TRPC4: variants seen among roughly 807,000 people sequenced by gnomAD.
The protein encoded by TRPC4 is short transient receptor potential channel 4.
A neutral mutation model predicts 99.4 loss-of-function variants in TRPC4; 49 were observed. The observed-to-expected ratio is 0.49, with a 90% confidence interval of 0.39 to 0.63. The LOEUF is 0.63. Ranked by LOEUF, TRPC4 falls within the 20% of genes least tolerant of loss-of-function variation. The pLI is 0.00. For synonymous variants in TRPC4, 454 were observed against 425.9 expected (o/e 1.07, Z -0.81); for missense variants, 898 against 1,152.9 (o/e 0.78, Z 3.20).
chr13:37,839,416 C>A (rs1037661995), intron 1 of TRPC4, among the ~76,000 whole-genome samples: 1 of 152,040 alleles, frequency 6.6e-6, no homozygotes, highest in African/African-American at 2.4e-5. Flanking sequence ...ACAGGCACAT[C>A]CAGGGTTAAT....
intron 2 of TRPC4, 32 bp from the exon 3 acceptor site, chr13:37,746,487 T>A: frequency 6.4e-7 from 1 of 1,558,716 alleles, no homozygotes; most frequent in Non-Finnish European, 8.6e-7. Context: ...GTGATGAATA[T>A]TTATTCTTTT....
At chr13:37,668,969 A>G in intron 5 of TRPC4, among the ~76,000 whole-genome samples, 1 of 152,158 alleles carries the variant, frequency 6.6e-6, no homozygotes, top group Non-Finnish European at 1.5e-5. Flanking sequence ...TTTCTGCCAT[A>G]AAACTAAAGA....
chr13:37,711,200 T>C (rs1020287633), intron 3 of TRPC4, among the ~76,000 whole-genome samples: 3 of 151,980 alleles, frequency 2.0e-5, no homozygotes, highest in African/African-American at 4.8e-5. Flanking sequence ...GTTTGCATTG[T>C]ACAAATTCAC....
chr13:37,805,136 C>T (rs770860980), intron 1 of TRPC4, among the ~76,000 whole-genome samples: 10 of 151,920 alleles, frequency 6.6e-5, no homozygotes, highest in Non-Finnish European at 1.0e-4. Context: ...ACTCAGATTC[C>T]CAACATATCT....
At chr13:37,696,907 C>T (rs1269512205) in intron 3 of TRPC4, among the ~76,000 whole-genome samples, 3 of 147,230 alleles carry the variant, frequency 2.0e-5, no homozygotes, top group Non-Finnish European at 4.5e-5. Flanking sequence ...TTTTCCATAG[C>T]TGAAACATCT....
At chr13:37,738,504 G>T (rs959182331) in intron 3 of TRPC4, among the ~76,000 whole-genome samples, 3 of 152,146 alleles carry the variant, frequency 2.0e-5, no homozygotes, top group Non-Finnish European at 2.9e-5. Context: ...TTGCACATTA[G>T]AATTTTCTGG....
rs745773437 is a variant in TRPC4 at position 37,674,210 on chromosome 13, A to G, written c.1374+18T>C. On this transcript the variant is annotated intron_variant, in intron 5 of 10. Transcript: ENST00000379705. ...TAATCAGAACATATGCTTTACCAAC[A>G]ACATAAATAATAGTTACCTTTACAA... 1 of 1,562,994 alleles carries G rather than the reference A, an allele frequency of 6.4e-7. No individual in the cohort carries two copies. Among genetic ancestry groups the G allele is most frequent in the Non-Finnish European group, 8.6e-7 (1 of 1,157,284 alleles).
chr13:37,839,975 T>C (rs1183170105), intron 1 of TRPC4, among the ~76,000 whole-genome samples: 1 of 152,148 alleles, frequency 6.6e-6, no homozygotes, highest in East Asian at 1.9e-4. Context: ...ATGATCCTTT[T>C]ATTGGATCAT....
chr13:37,637,468 T>C lies in TRPC4; in HGVS notation c.2369A>G (p.Lys790Arg). 1 of 1,613,806 alleles carries C rather than the reference T, an allele frequency of 6.2e-7. No homozygotes were observed. The highest frequency in any genetic ancestry group is 8.5e-7 in the Non-Finnish European group (1 of 1,179,810). ...KSDSEGNSKD[K>R]KKNFSLFDLT... The stretch of plus-strand genomic sequence containing the variant: ...ATCAAAAAGGCTGAAATTCTTTTTC[T>C]TGTCCTTGCTATTACCTTCGCTATC... Residue 790 changes from lysine to arginine, a missense_variant, in exon 11 of 11, where the codon AAG becomes AGG. Physicochemically the swap from Lys to Arg is conservative, Grantham distance 26. Around this residue, in one of 3 missense-constraint regions of TRPC4, gnomAD observed 346 missense variants for 351.4 expected, o/e 0.98. Transcript: ENST00000379705.
intron 5 of TRPC4, among the ~76,000 whole-genome samples, chr13:37,664,334 G>A (rs1389014386): frequency 6.6e-6 from 1 of 152,168 alleles, no homozygotes; most frequent in Non-Finnish European, 1.5e-5. Flanking sequence ...AGCACTTTGG[G>A]AGGCCGAAGC....
chr13:37,852,942 C>A (rs980978195), intron 1 of TRPC4, among the ~76,000 whole-genome samples: 6 of 152,106 alleles, frequency 3.9e-5, no homozygotes, highest in African/African-American at 1.4e-4. Flanking sequence ...ACCTTAGCTG[C>A]AGTAGAATGG....
At chr13:37,652,730 A>AAGAGAATTGTACATATTG (rs1952093643) in intron 7 of TRPC4, among the ~76,000 whole-genome samples, 1 of 2,616 alleles carries the variant, frequency 3.8e-4, no homozygotes, top group African/African-American at 1.1e-3. Context: ...GACTCAGCAG[A>AAGAGAATTGTACATATTG]TTTGGCTCAA....
chr13:37,657,647 A>G (rs938766825), intron 6 of TRPC4, among the ~76,000 whole-genome samples: 8 of 152,236 alleles, frequency 5.3e-5, no homozygotes, highest in African/African-American at 1.9e-4. Context: ...ATGTTACCAC[A>G]TAAACCCCAT....
intron 2 of TRPC4, among the ~76,000 whole-genome samples, chr13:37,765,744 T>C (rs1327613193): frequency 6.6e-6 from 1 of 151,520 alleles, no homozygotes; most frequent in East Asian, 1.9e-4. Flanking sequence ...TGTTGATCTG[T>C]ATTAAATATA....
At chr13:37,824,056 T>C (rs1258482456) in intron 1 of TRPC4, among the ~76,000 whole-genome samples, 2 of 142,652 alleles carry the variant, frequency 1.4e-5, no homozygotes, top group Non-Finnish European at 3.0e-5. Context: ...AGTTCCCTCA[T>C]GATTTGGCTC....
intron 1 of TRPC4, among the ~76,000 whole-genome samples, chr13:37,867,227 T>C (rs979071452): frequency 3.3e-5 from 5 of 152,010 alleles, no homozygotes; most frequent in African/African-American, 1.2e-4. Context: ...TTTACTTATA[T>C]ATCTATACTA....
intron 3 of TRPC4, among the ~76,000 whole-genome samples, chr13:37,725,380 A>G (rs1418970415): frequency 6.6e-6 from 1 of 152,126 alleles, no homozygotes; most frequent in Non-Finnish European, 1.5e-5. Context: ...AACATCTAAG[A>G]AGCTCAATGA....
chr13:37,702,667 TA>T (rs1428020635), intron 3 of TRPC4, among the ~76,000 whole-genome samples: 1 of 152,066 alleles, frequency 6.6e-6, no homozygotes, highest in Non-Finnish European at 1.5e-5. Context: ...GGATTGATAA[TA>T]AATGGCAATA....
At chr13:37,722,772 G>A (rs1036920593) in intron 3 of TRPC4, among the ~76,000 whole-genome samples, 1 of 151,590 alleles carries the variant, frequency 6.6e-6, no homozygotes, top group East Asian at 1.9e-4. Context: ...CAGCTCTAAT[G>A]TTAATTAGTA....
Sources: gnomAD v4.1 joint callset for allele counts (sites outside exome capture counted in the v4.1 genomes callset) on GRCh38, gnomAD v4.1.1 for gene constraint, gnomAD v4.1.1 regional missense constraint, MANE v1.5 for transcripts, NCBI Gene and HGNC (gene_info 2026-07-23, HGNC 2026-07-21) for gene names.